The following LRP1B variants were observed in gnomAD, a reference collection of about 807,000 sequenced individuals.
LRP1B encodes the protein low-density lipoprotein receptor-related protein 1B.
Under a neutral mutation model 556.6 loss-of-function variants are expected in LRP1B, and 217 were observed. That is an observed-to-expected ratio of 0.39 (90% CI 0.35 to 0.44). The LOEUF is 0.44. Ranked by LOEUF, LRP1B falls within the 20% of genes least tolerant of loss-of-function variation. The pLI is 1.00. For missense variants in LRP1B, 5,053 were observed against 5,620.8 expected, an observed-to-expected ratio of 0.90 and a Z score of 3.23; for synonymous variants, 2,047 against 1,865.8, an observed-to-expected ratio of 1.10 and a Z score of -2.50.
chr2:140,907,743 A>G (rs1308103751), intron 22 of LRP1B, 134 bp downstream of exon 22: 1 of 790,718 alleles, frequency 1.3e-6, no homozygotes, highest in Non-Finnish European at 2.1e-6. Flanking sequence ...AGAAATGTAG[A>G]CAAGGTTCAA....
At position 141,754,213 on chromosome 2, in the gene LRP1B, C is replaced by T. The variant is rs567826122; in HGVS notation, c.205+56066G>A. On this transcript the variant is annotated intron_variant, in intron 2 of 90. Transcript: ENST00000389484. ...CTTGCAGACTGTCCTCAGGCTCTCT[C>T]ATTTTTGACCTCTAACATTTCTACG... Among the ~76,000 whole-genome samples the T allele has an allele frequency of 1.2e-3, 183 of 152,124 alleles. 1 individual carries two copies. The highest frequency in any genetic ancestry group is 4.2e-3 in the African/African-American group (175 of 41,470).
Position 141,157,290 on chromosome 2 carries a change from A to G in LRP1B, c.1013+31131T>C, listed in dbSNP as rs931276907. 8.6e-5 allele frequency among the ~76,000 whole-genome samples: 13 copies of G among 151,934 alleles called. 1 individual carries two copies. Among genetic ancestry groups the G allele is most frequent in the Admixed American group, 2.6e-4 (4 of 15,270 alleles). ...ACATATGAACAGGTTTTTCTGGATG[A>G]TAAAATAAAGTTTCATTATTACTTC... On this transcript the variant is annotated intron_variant, in intron 7 of 90. Transcript: ENST00000389484.
intron 41 of LRP1B, among the ~76,000 whole-genome samples, chr2:140,656,732 T>A (rs1684892298): frequency 6.6e-6 from 1 of 152,130 alleles, no homozygotes; most frequent in Admixed American, 6.5e-5. Context: ...TTTTTGGGGT[T>A]CACTTTCAGG....
At chr2:140,784,563 G>A (rs1369809425) in intron 32 of LRP1B, among the ~76,000 whole-genome samples, 2 of 151,698 alleles carry the variant, frequency 1.3e-5, no homozygotes, top group East Asian at 1.9e-4. Flanking sequence ...ACTACACCAT[G>A]AGCAAGAAAT....
At position 140,840,122 on chromosome 2, in the gene LRP1B, T is replaced by A. The variant is rs1383768044; in HGVS notation, c.5115-37A>T. The A allele has an allele frequency of 2.5e-6, 3 of 1,184,404 alleles. No homozygotes were observed. The Admixed American group carries it at 6.5e-5, about 26-fold the overall frequency. 73.4% of individuals were successfully genotyped at this position (1,184,404 alleles called of 1,614,324 possible). ...AGACATATGGATTGAAAATATTAGA[T>A]GTAGACCTACTCACTGAGAAGAAAT... On this transcript the variant is annotated intron_variant, in intron 30 of 90. Coordinates refer to ENST00000389484, the MANE Select transcript of LRP1B (RefSeq NM_018557.3).
chr2:141,984,439 G>A (rs1000259508), intron 1 of LRP1B, among the ~76,000 whole-genome samples: 1 of 152,044 alleles, frequency 6.6e-6, no homozygotes, highest in African/African-American at 2.4e-5. Context: ...ATAGAAAGGT[G>A]AATTATACTA....
intron 2 of LRP1B, among the ~76,000 whole-genome samples, chr2:141,631,386 A>G (rs1574165266): frequency 6.6e-6 from 1 of 152,198 alleles, no homozygotes; most frequent in East Asian, 1.9e-4. Flanking sequence ...GACAGTTTTT[A>G]TATTATCTAT....
At chr2:140,638,672 T>C (rs1684162259) in intron 41 of LRP1B, among the ~76,000 whole-genome samples, 1 of 152,114 alleles carries the variant, frequency 6.6e-6, no homozygotes, top group Admixed American at 6.6e-5. Context: ...TTCCCAATGA[T>C]GACTGGAGAT....
At chr2:142,043,494 A>C (rs1299514087) in intron 1 of LRP1B, among the ~76,000 whole-genome samples, 1 of 151,626 alleles carries the variant, frequency 6.6e-6, no homozygotes, top group Admixed American at 6.6e-5. Flanking sequence ...AGGTCTAAAG[A>C]ATTTAGAAGA....
chr2:140,567,546 G>C (rs1438782751), intron 43 of LRP1B, among the ~76,000 whole-genome samples: 1 of 152,226 alleles, frequency 6.6e-6, no homozygotes, highest in African/African-American at 2.4e-5. Flanking sequence ...TTGTCTCAGA[G>C]TCATAGATCC....
At chr2:141,399,242 C>A (rs753294516) in intron 3 of LRP1B, among the ~76,000 whole-genome samples, 1 of 151,634 alleles carries the variant, frequency 6.6e-6, no homozygotes, top group Non-Finnish European at 1.5e-5. Flanking sequence ...GGAGACAGAG[C>A]GGGACTCTGT....
chr2:140,845,862 G>A (rs552707386), intron 29 of LRP1B, among the ~76,000 whole-genome samples: 24 of 152,112 alleles, frequency 1.6e-4, no homozygotes, highest in Middle Eastern at 3.4e-3. Context: ...GAAATTAAGC[G>A]AGTTGGAAGG....
intron 3 of LRP1B, among the ~76,000 whole-genome samples, chr2:141,327,867 A>G (rs1443568567): frequency 7.6e-6 from 1 of 131,978 alleles, no homozygotes; most frequent in Non-Finnish European, 1.6e-5. Context: ...AGGTAGATAG[A>G]TAAAGAGTGA....
chr2:140,993,926 G>A, intron 16 of LRP1B, 69 bp downstream of exon 16: 1 of 1,475,504 alleles, frequency 6.8e-7, no homozygotes. Flanking sequence ...GTCACAAACT[G>A]CCTTGATAAT....
chr2:140,530,635 G>A (rs1005465165), intron 47 of LRP1B, among the ~76,000 whole-genome samples: 2 of 152,230 alleles, frequency 1.3e-5, no homozygotes, highest in Admixed American at 6.6e-5. Flanking sequence ...TATCCTAAAG[G>A]AGCTGGTCCA....
intron 7 of LRP1B, among the ~76,000 whole-genome samples, chr2:141,119,072 G>C (rs1393340146): frequency 6.6e-6 from 1 of 151,944 alleles, no homozygotes; most frequent in Non-Finnish European, 1.5e-5. Flanking sequence ...GAAAATTACA[G>C]TAACTTGATG....
At chr2:141,055,721 A>G (rs1025493225) in intron 9 of LRP1B, among the ~76,000 whole-genome samples, 4 of 151,870 alleles carry the variant, frequency 2.6e-5, no homozygotes, top group East Asian at 1.9e-4. Flanking sequence ...CAGTGATTAT[A>G]TATACACTGT....
At chr2:141,041,985 G>A (rs1211227429) in intron 11 of LRP1B, among the ~76,000 whole-genome samples, 1 of 151,982 alleles carries the variant, frequency 6.6e-6, no homozygotes. Flanking sequence ...AAGGTTCTGG[G>A]GATGAGGACC....
rs945859975 is a variant in LRP1B, at chr2:140,751,053, C to T, written c.5758+18160G>A. ...TGTCCCTCAGGCTGGAGTGCAATGG[C>T]GTGATCTCGGCTCACTGCAACTTCC... is the stretch of plus-strand genomic sequence containing the variant. On this transcript the variant is annotated intron_variant, in intron 35 of 90. Coordinates refer to ENST00000389484, the MANE Select transcript of LRP1B (RefSeq NM_018557.3). Among the ~76,000 whole-genome samples the T allele has an allele frequency of 4.3e-5, 6 of 138,734 alleles. No homozygotes were observed. In the South Asian group the frequency reaches 8.8e-4, roughly 20 times the overall value. The allele number at this position is 138,734 out of a possible 152,430, so 91.0% of individuals were successfully genotyped here. A position where few individuals can be genotyped will look rare whatever the true frequency, so the allele number is the denominator to read the frequency against.
Sources: gnomAD v4.1 joint callset for allele counts (sites outside exome capture counted in the v4.1 genomes callset) on GRCh38, gnomAD v4.1.1 for gene constraint, MANE v1.5 for transcripts, NCBI Gene and HGNC (gene_info 2026-07-23, HGNC 2026-07-21) for gene names.